FANCC: variants seen among roughly 807,000 people sequenced by gnomAD.
The protein encoded by FANCC is Fanconi anemia group C protein.
FANCC carries 55 observed loss-of-function variants against 71.3 expected under a neutral mutation model. The observed-to-expected ratio is 0.77, with a 90% confidence interval of 0.62 to 0.97. The LOEUF (loss-of-function observed/expected upper bound fraction) is 0.97. FANCC is among the 50% of genes least tolerant of loss of function. The pLI is 0.00. For synonymous variants in FANCC, 275 were observed against 244.9 expected, an observed-to-expected ratio of 1.12 and a Z score of -1.15; for missense variants, 678 against 670.9, an observed-to-expected ratio of 1.01 and a Z score of -0.12.
intron 4 of FANCC, among the ~76,000 whole-genome samples, chr9:95,222,344 T>A (rs1008898620): frequency 2.0e-5 from 3 of 152,088 alleles, no homozygotes; most frequent in African/African-American, 7.2e-5. Flanking sequence ...AGAACATGGA[T>A]AAATCTCAGA....
At chr9:95,237,887 T>C (rs1449192911) in intron 4 of FANCC, among the ~76,000 whole-genome samples, 2 of 152,242 alleles carry the variant, frequency 1.3e-5, no homozygotes, top group East Asian at 1.9e-4. Flanking sequence ...GTTGAAATGA[T>C]GGTATTTGGA....
At position 95,150,405 on chromosome 9, in the gene FANCC, C is replaced by T. The variant is rs558244472; in HGVS notation, c.522-318G>A. Among the ~76,000 whole-genome samples, 26 of 152,264 alleles carry T rather than the reference C, an allele frequency of 1.7e-4. No homozygotes were observed. In the South Asian group the frequency reaches 5.2e-3, roughly 30 times the overall value. On this transcript the variant is annotated intron_variant, in intron 6 of 14. Coordinates refer to ENST00000289081, the MANE Select transcript of FANCC (RefSeq NM_000136.3). ...CCTTTCCCCAGTGCTATCTTGTTTG[C>T]TCAGGCCCAAATCCTGATTCCTCCC...
At chr9:95,311,328 G>A (rs1835389889) in intron 1 of FANCC, among the ~76,000 whole-genome samples, 1 of 151,534 alleles carries the variant, frequency 6.6e-6, no homozygotes, top group Non-Finnish European at 1.5e-5. Context: ...ATAGGATTAG[G>A]CTAAGTACAA....
chr9:95,212,643 T>C (rs1828577799), intron 4 of FANCC, among the ~76,000 whole-genome samples: 1 of 152,176 alleles, frequency 6.6e-6, no homozygotes, highest in African/African-American at 2.4e-5. Context: ...GAAATGTGTA[T>C]CTGCAGGAAG....
chr9:95,102,370 G>C (rs1437835594), intron 14 of FANCC, among the ~76,000 whole-genome samples: 1 of 152,172 alleles, frequency 6.6e-6, no homozygotes, highest in Non-Finnish European at 1.5e-5. Context: ...CCTGATTCTT[G>C]CGGGAGAGCA....
chr9:95,137,657 T>C (rs939402979), intron 7 of FANCC, among the ~76,000 whole-genome samples: 2 of 152,120 alleles, frequency 1.3e-5, no homozygotes, highest in Non-Finnish European at 2.9e-5. Context: ...GCAGAGATAT[T>C]CAATAGGTCC....
chr9:95,174,917 A>T (rs529655390), intron 4 of FANCC, among the ~76,000 whole-genome samples: 164 of 152,334 alleles, frequency 1.1e-3, no homozygotes, highest in Non-Finnish European at 1.9e-3. Context: ...ATTTCATCAT[A>T]AAGTATCTCA....
At chr9:95,226,815 C>T (rs1026091877) in intron 4 of FANCC, among the ~76,000 whole-genome samples, 1 of 152,114 alleles carries the variant, frequency 6.6e-6, no homozygotes, top group African/African-American at 2.4e-5. Context: ...GATTTGACAA[C>T]CATATCATAT....
chr9:95,102,526 G>A (rs1343049665), intron 14 of FANCC, among the ~76,000 whole-genome samples: 1 of 152,208 alleles, frequency 6.6e-6, no homozygotes, highest in Non-Finnish European at 1.5e-5. Context: ...GCAGTATTAA[G>A]AAGGCTTAAG....
chr9:95,271,927 C>CTTCTTT (rs1832750730), intron 1 of FANCC, among the ~76,000 whole-genome samples: 3 of 50,480 alleles, frequency 5.9e-5, no homozygotes, highest in Non-Finnish European at 1.1e-4. Flanking sequence ...CAAGCCTCTT[C>CTTCTTT]TTTTTTTTTT....
intron 7 of FANCC, among the ~76,000 whole-genome samples, chr9:95,138,648 GTCT>G (rs1203115341): frequency 6.6e-6 from 1 of 152,202 alleles, no homozygotes; most frequent in East Asian, 1.9e-4. Context: ...GCAGTGAGAG[GTCT>G]TCTGCCAGTA....
At chr9:95,145,145 G>C (rs1412649981) in intron 7 of FANCC, 2 of 152,042 alleles carry the variant, frequency 1.3e-5, no homozygotes, top group African/African-American at 4.8e-5. Flanking sequence ...ATTTTTAAGA[G>C]TTATAGATTT....
At chr9:95,138,017 G>A (rs1464944581) in intron 7 of FANCC, among the ~76,000 whole-genome samples, 1 of 152,266 alleles carries the variant, frequency 6.6e-6, no homozygotes, top group Non-Finnish European at 1.5e-5. Context: ...CTCCTGAAAG[G>A]CTGCCAACGG....
intron 1 of FANCC, among the ~76,000 whole-genome samples, chr9:95,309,235 A>G (rs1369454092): frequency 1.3e-5 from 2 of 152,196 alleles, no homozygotes. Flanking sequence ...TAATGGTACT[A>G]GTCAGTATCA....
At chr9:95,155,257 G>A (rs187926732) in intron 6 of FANCC, among the ~76,000 whole-genome samples, 13 of 6,738 alleles carry the variant, frequency 1.9e-3, no homozygotes, top group Non-Finnish European at 2.3e-3. Flanking sequence ...GAGGGGAGGG[G>A]AGGGGAGGGG....
intron 4 of FANCC, among the ~76,000 whole-genome samples, chr9:95,212,679 A>G (rs886937602): frequency 6.6e-6 from 1 of 152,206 alleles, no homozygotes; most frequent in Non-Finnish European, 1.5e-5. Flanking sequence ...AAAAGGGAGA[A>G]TCTGTGGGTA....
chr9:95,279,519 C>A (rs1303372831), intron 1 of FANCC, among the ~76,000 whole-genome samples: 43 of 145,136 alleles, frequency 3.0e-4, no homozygotes, highest in African/African-American at 9.9e-4. Context: ...AAAAAAAAAA[C>A]AGATAATACT....
At chr9:95,194,812 C>T (rs1467740092) in intron 4 of FANCC, among the ~76,000 whole-genome samples, 1 of 152,130 alleles carries the variant, frequency 6.6e-6, no homozygotes, top group East Asian at 1.9e-4. Context: ...TTCACGTGGG[C>T]TTTCACAGAA....
intron 10 of FANCC, among the ~76,000 whole-genome samples, chr9:95,124,291 C>T (rs941843220): frequency 9.9e-5 from 15 of 152,062 alleles, no homozygotes; most frequent in African/African-American, 3.4e-4. Context: ...ACCAGCACCA[C>T]TCTCGACAGG....
Sources: allele counts gnomAD v4.1 joint callset (sites outside exome capture counted in the v4.1 genomes callset), GRCh38; gene constraint gnomAD v4.1.1; transcripts MANE v1.5; gene names NCBI Gene and HGNC (gene_info 2026-07-23, HGNC 2026-07-21).